Variants in FAM107B observed in about 807,000 individuals in gnomAD.
FAM107B encodes family with sequence similarity 107 member B, also known as protein FAM107B.
In FAM107B, 21 loss-of-function variants were observed where a neutral mutation model predicts 31.5. That is an observed-to-expected ratio of 0.67 (90% CI 0.47 to 0.96). The LOEUF is 0.96. FAM107B is among the 40% of genes least tolerant of loss of function. The probability of loss-of-function intolerance (pLI) is 0.00; values close to 1 mark genes in which losing one functional copy is unlikely to be tolerated. For missense variants in FAM107B, 452 were observed against 377.1 expected (o/e 1.20, Z -1.64); for synonymous variants, 157 against 141.5 (o/e 1.11, Z -0.78).
chr10:14,590,400 T>C (rs558239654), intron 2 of FAM107B, among the ~76,000 whole-genome samples: 37 of 152,324 alleles, frequency 2.4e-4, no homozygotes, highest in African/African-American at 8.2e-4. Flanking sequence ...TTTTAACAAA[T>C]AGGTTTCAAA....
intron 2 of FAM107B, among the ~76,000 whole-genome samples, chr10:14,548,054 G>A (rs1848872384): frequency 1.3e-5 from 2 of 152,180 alleles, no homozygotes; most frequent in Admixed American, 6.5e-5. Context: ...CGCAGGCTTC[G>A]CAGGGAGGAC....
rs575413257 is a variant in FAM107B at position 14,553,084 on chromosome 10, T to G, written c.470-22569A>C. 3.9e-5 allele frequency among the ~76,000 whole-genome samples: 6 copies of G among 152,350 alleles called. No individual in the cohort carries two copies. In the South Asian group the frequency reaches 1.2e-3, roughly 32 times the overall value. On this transcript the variant is annotated intron_variant, in intron 2 of 4. Transcript: ENST00000181796. ...ATGGGAAACATTTAAACAGTTTTAT[T>G]TGGGTTAATATTACTGATAGTAAGA... is the stretch of plus-strand genomic sequence containing the variant.
intron 1 of FAM107B, among the ~76,000 whole-genome samples, chr10:14,676,087 A>G (rs901137124): frequency 3.3e-5 from 5 of 152,124 alleles, no homozygotes; most frequent in Non-Finnish European, 5.9e-5. Context: ...GAGCCTGGGG[A>G]GGTCAAGGCT....
At chr10:14,587,583 AAG>A (rs1851886157) in intron 2 of FAM107B, among the ~76,000 whole-genome samples, 1 of 152,228 alleles carries the variant, frequency 6.6e-6, no homozygotes, top group Admixed American at 6.5e-5. Context: ...CATCCAAAAA[AAG>A]ACAGTTTCTT....
chr10:14,650,874 C>G (rs1853880883), intron 2 of FAM107B, among the ~76,000 whole-genome samples: 1 of 152,194 alleles, frequency 6.6e-6, no homozygotes, highest in Non-Finnish European at 1.5e-5. Context: ...TGCTCTTATG[C>G]TTACAATGCA....
intron 2 of FAM107B, among the ~76,000 whole-genome samples, chr10:14,617,754 C>CA (rs35039591): frequency 0.024 from 1,660 of 68,192 alleles, 13 homozygotes; most frequent in Middle Eastern, 0.07. Flanking sequence ...AGGTAGACGC[C>CA]AAAAAAAAAA....
At chr10:14,629,020 A>C (rs1362469231) in intron 2 of FAM107B, among the ~76,000 whole-genome samples, 1 of 151,126 alleles carries the variant, frequency 6.6e-6, no homozygotes, top group South Asian at 2.1e-4. Flanking sequence ...TTATATATAT[A>C]TTAGCTTTAT....
intron 1 of FAM107B, among the ~76,000 whole-genome samples, chr10:14,686,717 C>A (rs1854997862): frequency 6.6e-6 from 1 of 152,174 alleles, no homozygotes; most frequent in Non-Finnish European, 1.5e-5. Context: ...TGAGTCAGCA[C>A]AAAGCACTAT....
intron 1 of FAM107B, among the ~76,000 whole-genome samples, chr10:14,676,249 G>A (rs1403036359): frequency 6.6e-6 from 1 of 151,866 alleles, no homozygotes; most frequent in South Asian, 2.1e-4. Context: ...GTTACTGGAC[G>A]TAATTTTAGA....
chr10:14,600,830 T>A (rs925764199), intron 2 of FAM107B, among the ~76,000 whole-genome samples: 3 of 152,030 alleles, frequency 2.0e-5, no homozygotes, highest in African/African-American at 4.8e-5. Flanking sequence ...GTTGTAGAGA[T>A]GGGGGTCACT....
At chr10:14,734,150 A>G (rs1374245506) in intron 1 of FAM107B, among the ~76,000 whole-genome samples, 1 of 152,232 alleles carries the variant, frequency 6.6e-6, no homozygotes, top group African/African-American at 2.4e-5. Flanking sequence ...TTGTAATGAG[A>G]TTACAATGTT....
intron 2 of FAM107B, among the ~76,000 whole-genome samples, chr10:14,571,143 G>A (rs1346672788): frequency 6.6e-6 from 1 of 152,068 alleles, no homozygotes; most frequent in African/African-American, 2.4e-5. Flanking sequence ...TCACATGGTG[G>A]ACAGCAGGGA....
chr10:14,600,533 C>T (rs1852359216), intron 2 of FAM107B, among the ~76,000 whole-genome samples: 1 of 150,846 alleles, frequency 6.6e-6, no homozygotes, highest in African/African-American at 2.4e-5. Flanking sequence ...GCATTGACAT[C>T]ATTCTTTCTG....
chr10:14,527,698 T>C (rs1396927104), intron 3 of FAM107B, among the ~76,000 whole-genome samples: 2 of 152,220 alleles, frequency 1.3e-5, no homozygotes, highest in Admixed American at 1.3e-4. Context: ...GGAAGACTTG[T>C]TATAAACTAC....
chr10:14,753,024 T>A lies in FAM107B; in HGVS notation c.411+21229A>T, dbSNP rs1832860789. ...AGACTGAGTAATTTTATCCACTAAG[T>A]ATAATTTTAATAAAGTATCAGTGTT... On this transcript the variant is annotated intron_variant, in intron 1 of 4. Coordinates refer to ENST00000181796, the MANE Select transcript of FAM107B (RefSeq NM_031453.4). Among the ~76,000 whole-genome samples the A allele has an allele frequency of 2.0e-5, 3 of 152,148 alleles. No individual in the cohort carries two copies. The South Asian group carries it at 6.2e-4, about 32-fold the overall frequency.
chr10:14,727,084 G>T (rs181278594), intron 1 of FAM107B, among the ~76,000 whole-genome samples: 83 of 152,106 alleles, frequency 5.5e-4, no homozygotes, highest in African/African-American at 1.9e-3. Flanking sequence ...TTCACAATAG[G>T]GTTCACGCTT....
chr10:14,731,956 G>A (rs116615363), intron 1 of FAM107B, among the ~76,000 whole-genome samples: 180 of 152,268 alleles, frequency 1.2e-3, no homozygotes, highest in African/African-American at 4.1e-3. Flanking sequence ...AGTGCATGAT[G>A]CTACTTCCCT....
At chr10:14,628,111 G>GATTT in intron 2 of FAM107B, among the ~76,000 whole-genome samples, 2 of 90,676 alleles carry the variant, frequency 2.2e-5, no homozygotes, top group African/African-American at 7.8e-5. Flanking sequence ...TTGTTTTGCT[G>GATTT]GTTTTTTTTT....
chr10:14,609,083 T>C (rs1429152399), intron 2 of FAM107B, among the ~76,000 whole-genome samples: 1 of 152,250 alleles, frequency 6.6e-6, no homozygotes, highest in Non-Finnish European at 1.5e-5. Flanking sequence ...TAATTTCTGC[T>C]TATTTGTTTT....
Sources: allele counts gnomAD v4.1 joint callset (sites outside exome capture counted in the v4.1 genomes callset), GRCh38; gene constraint gnomAD v4.1.1; transcripts MANE v1.5; gene names NCBI Gene and HGNC (gene_info 2026-07-23, HGNC 2026-07-21).